The following CALD1 variants were observed in gnomAD, a reference collection of about 807,000 sequenced individuals.
CALD1 encodes caldesmon.
CALD1 carries 33 observed loss-of-function variants against 99.9 expected under a neutral mutation model. The observed-to-expected ratio is 0.33, with a 90% CI of 0.25 to 0.44. CALD1 has a LOEUF of 0.44. CALD1 is among the 20% of genes least tolerant of loss of function. The pLI, the probability that CALD1 is intolerant of heterozygous loss-of-function variation, is 1.00. For missense variants in CALD1, 861 were observed against 962.1 expected (o/e 0.89, Z 1.39); for synonymous variants, 310 against 325.0 (o/e 0.95, Z 0.50).
the CALD1 span, among the ~76,000 whole-genome samples, chr7:134,726,304 A>G: frequency 1.7e-3 from 249 of 148,172 alleles, 3 homozygotes; most frequent in African/African-American, 5.7e-3. Flanking sequence ...ATATAAATAT[A>G]TAAGAATATA....
rs1013796573 is a variant in CALD1 at position 134,792,993 on chromosome 7, G to A, written c.-130+13244G>A. 5.9e-5 allele frequency among the ~76,000 whole-genome samples: 9 copies of A among 152,318 alleles called. No individual in the cohort carries two copies. In the East Asian group the frequency reaches 1.3e-3, roughly 23 times the overall value. On this transcript the variant is annotated intron_variant, in intron 1 of 14. Transcript: ENST00000361675. ...AGTCAAAAGAGGTTTTCGAAATGAC[G>A]CACTGAAGTACAGCTTCACATACTG...
At chr7:134,872,835 T>A (rs1254218748) in intron 3 of CALD1, among the ~76,000 whole-genome samples, 3 of 152,172 alleles carry the variant, frequency 2.0e-5, no homozygotes, top group Non-Finnish European at 4.4e-5. Context: ...CAGATAAAAA[T>A]TTAGTTTTGC....
intron 3 of CALD1, among the ~76,000 whole-genome samples, chr7:134,922,819 C>T (rs1804714403): frequency 6.6e-6 from 1 of 152,194 alleles, no homozygotes; most frequent in South Asian, 2.1e-4. Flanking sequence ...ACATGGTTAT[C>T]TTGTTACTTA....
chr7:134,732,767 C>G, the CALD1 span, among the ~76,000 whole-genome samples: 1 of 152,192 alleles, frequency 6.6e-6, no homozygotes, highest in Non-Finnish European at 1.5e-5. Context: ...AAGCTACCAC[C>G]ACATAATCCC....
intron 1 of CALD1, among the ~76,000 whole-genome samples, chr7:134,841,976 T>C (rs1280973708): frequency 2.0e-5 from 3 of 152,214 alleles, no homozygotes; most frequent in Non-Finnish European, 4.4e-5. Context: ...AGATGTCTCC[T>C]TTTCAGAGAG....
intron 1 of CALD1, among the ~76,000 whole-genome samples, chr7:134,815,157 A>G (rs1457759301): frequency 6.6e-6 from 1 of 152,156 alleles, no homozygotes; most frequent in African/African-American, 2.4e-5. Context: ...CGGACAAGTG[A>G]TGCCAAGGAT....
intron 9 of CALD1, among the ~76,000 whole-genome samples, chr7:134,952,022 C>T (rs750401422): frequency 2.0e-5 from 3 of 152,152 alleles, no homozygotes; most frequent in African/African-American, 7.2e-5. Flanking sequence ...CAGGTCTGGC[C>T]GGGCACAGTG....
chr7:134,900,161 T>A (rs887751449), intron 3 of CALD1: 3 of 151,598 alleles, frequency 2.0e-5, no homozygotes, highest in Non-Finnish European at 2.9e-5. Context: ...AAATCAGCAA[T>A]GTCCACCAAA....
At chr7:134,932,673 C>T (rs187124065) in intron 4 of CALD1, among the ~76,000 whole-genome samples, 1 of 152,110 alleles carries the variant, frequency 6.6e-6, no homozygotes, top group Non-Finnish European at 1.5e-5. Context: ...CGGAGTTATC[C>T]CACTCAAAAA....
intron 3 of CALD1, among the ~76,000 whole-genome samples, chr7:134,884,505 T>C (rs1479147021): frequency 6.6e-6 from 1 of 152,038 alleles, no homozygotes; most frequent in African/African-American, 2.4e-5. Flanking sequence ...GAGCATTTAT[T>C]CTATCTTAAT....
At chr7:134,794,482 G>T (rs533884617) in intron 1 of CALD1, among the ~76,000 whole-genome samples, 1 of 152,206 alleles carries the variant, frequency 6.6e-6, no homozygotes, top group East Asian at 1.9e-4. Context: ...GCTGCCATAG[G>T]TTTTTTGTTG....
At chr7:134,962,224 T>C (rs1351400288) in intron 13 of CALD1, 1 of 152,032 alleles carries the variant, frequency 6.6e-6, no homozygotes, top group Non-Finnish European at 1.5e-5. Flanking sequence ...AACTGAAAAG[T>C]TTACCATCAT....
intron 1 of CALD1, among the ~76,000 whole-genome samples, chr7:134,793,484 T>A (rs1797622277): frequency 6.6e-6 from 1 of 152,216 alleles, no homozygotes; most frequent in Non-Finnish European, 1.5e-5. Context: ...GCATTTTCCA[T>A]GTTCTATTTT....
chr7:134,843,135 C>T (rs1261023592), intron 1 of CALD1, among the ~76,000 whole-genome samples: 1 of 152,152 alleles, frequency 6.6e-6, no homozygotes, highest in East Asian at 1.9e-4. Flanking sequence ...TCCTTACTAC[C>T]TCCGGTCTAG....
the CALD1 span, among the ~76,000 whole-genome samples, chr7:134,738,840 A>G: frequency 6.6e-6 from 1 of 152,214 alleles, no homozygotes; most frequent in Non-Finnish European, 1.5e-5. Context: ...AAAGGAGTCT[A>G]AGAGAATAGC....
intron 1 of CALD1, among the ~76,000 whole-genome samples, chr7:134,765,640 C>T (rs1796818926): frequency 6.6e-6 from 1 of 152,166 alleles, no homozygotes; most frequent in Admixed American, 6.5e-5. Context: ...TTGTCCCCAC[C>T]CAAATCTCAT....
the CALD1 span, among the ~76,000 whole-genome samples, chr7:134,720,259 G>T: frequency 2.0e-5 from 3 of 151,184 alleles, no homozygotes; most frequent in Admixed American, 6.6e-5. Context: ...TCAAGGAGCT[G>T]GGAAAGAATG....
chr7:134,765,239 C>CG (rs1796814904), intron 1 of CALD1, among the ~76,000 whole-genome samples: 1 of 150,642 alleles, frequency 6.6e-6, no homozygotes, highest in Non-Finnish European at 1.5e-5. Flanking sequence ...TGCTTAAGCC[C>CG]GGGGGCAGAG....
At chr7:134,952,733 T>C (rs1807453168) in intron 9 of CALD1, among the ~76,000 whole-genome samples, 1 of 152,064 alleles carries the variant, frequency 6.6e-6, no homozygotes, top group African/African-American at 2.4e-5. Flanking sequence ...TCTCCCAAAG[T>C]GCTGGGATTA....
Sources: gnomAD v4.1 joint callset for allele counts (sites outside exome capture counted in the v4.1 genomes callset) on GRCh38, gnomAD v4.1.1 for gene constraint, MANE v1.5 for transcripts, NCBI Gene and HGNC (gene_info 2026-07-23, HGNC 2026-07-21) for gene names.